The following ATL2 variants were observed in gnomAD, a reference collection of about 807,000 sequenced individuals.
The protein encoded by ATL2 is atlastin GTPase 2, also known as atlastin-2.
Under a neutral mutation model 73.9 loss-of-function variants are expected in ATL2, and 31 were observed. The ratio of observed to expected loss-of-function variants is 0.42; its 90% CI spans 0.32 to 0.57. The LOEUF is 0.57. Ranked by LOEUF, ATL2 falls within the 20% of genes least tolerant of loss-of-function variation. ATL2 has a pLI of 0.14. For synonymous variants in ATL2, 291 were observed against 237.5 expected, an observed-to-expected ratio of 1.23 and a Z score of -2.07; for missense variants, 738 against 702.6, an observed-to-expected ratio of 1.05 and a Z score of -0.57.
chr2:38,343,179 G>T lies in ATL2; in HGVS notation c.363+89C>A, dbSNP rs957695452. 271 of 337,026 alleles carry T rather than the reference G, an allele frequency of 8.0e-4. 3 individuals are homozygous for T. Among genetic ancestry groups the T allele is most frequent in the African/African-American group, 5.4e-3 (196 of 36,290 alleles). 20.9% of individuals were successfully genotyped at this position (337,026 alleles called of 1,614,324 possible). On this transcript the variant is annotated intron_variant, in intron 2 of 12. Coordinates refer to ENST00000378954, the MANE Select transcript of ATL2 (RefSeq NM_001135673.4). ...AAAAAAAAAAAAAAAAAAAAAAAAA[G>T]ATATAGTTCTGGTTTTTGTCTATTT...
chr2:38,327,719 T>C lies in ATL2; in HGVS notation c.364-8700A>G, dbSNP rs577161315. 3.3e-3 allele frequency among the ~76,000 whole-genome samples: 495 copies of C among 152,260 alleles called. 3 individuals carry two copies. Among genetic ancestry groups the C allele is most frequent in the Admixed American group, 5.6e-3 (86 of 15,282 alleles). On this transcript the variant is annotated intron_variant, in intron 2 of 12. Coordinates refer to ENST00000378954, the MANE Select transcript of ATL2 (RefSeq NM_001135673.4). ...GGGAGGCAGAGGTGGGTGGATCACC[T>C]GAGGTCAGGAGTTCGTGATCAGTCT...
At chr2:38,340,084 T>C (rs1400520941) in intron 2 of ATL2, among the ~76,000 whole-genome samples, 2 of 148,320 alleles carry the variant, frequency 1.3e-5, no homozygotes, top group African/African-American at 5.0e-5. Context: ...AAACACATAA[T>C]ACCTATGGTA....
At chr2:38,303,362 T>G (rs576401212) in intron 9 of ATL2, among the ~76,000 whole-genome samples, 8 of 152,156 alleles carry the variant, frequency 5.3e-5, no homozygotes, top group African/African-American at 1.9e-4. Flanking sequence ...TGCGCCATCA[T>G]GCCTGGCTAA....
chr2:38,325,929 A>AAT (rs1668636814), intron 2 of ATL2, among the ~76,000 whole-genome samples: 1 of 149,840 alleles, frequency 6.7e-6, no homozygotes, highest in African/African-American at 2.4e-5. Context: ...AAAAAAAAAA[A>AAT]AAGAGGGTCA....
chr2:38,341,118 C>T (rs974009616), intron 2 of ATL2, among the ~76,000 whole-genome samples: 3 of 152,126 alleles, frequency 2.0e-5, no homozygotes, highest in African/African-American at 7.2e-5. Context: ...AGCTTCCCTC[C>T]CCTTCTAACT....
At chr2:38,334,886 T>G (rs1301104659) in intron 2 of ATL2, among the ~76,000 whole-genome samples, 11 of 30,562 alleles carry the variant, frequency 3.6e-4, no homozygotes, top group African/African-American at 6.9e-4. Context: ...TATTATATAA[T>G]ATATAATATA....
intron 1 of ATL2, among the ~76,000 whole-genome samples, chr2:38,367,611 AAAAAACCGC>A: frequency 6.8e-6 from 1 of 147,438 alleles, no homozygotes; most frequent in Non-Finnish European, 1.5e-5. Context: ...AAAAAAAAAA[AAAAAACCGC>A]CCATTTAAAA....
chr2:38,305,077 C>CA (rs1667377111), intron 9 of ATL2, among the ~76,000 whole-genome samples: 1 of 145,188 alleles, frequency 6.9e-6, no homozygotes, highest in African/African-American at 2.8e-5. Context: ...CAAATGGAAA[C>CA]CAAAAAAAAA....
At chr2:38,328,339 T>C (rs1668785330) in intron 2 of ATL2, among the ~76,000 whole-genome samples, 1 of 152,162 alleles carries the variant, frequency 6.6e-6, no homozygotes. Flanking sequence ...GATCTGACAT[T>C]ATAGTATATT....
chr2:38,334,927 TATTATA>T, intron 2 of ATL2, among the ~76,000 whole-genome samples: 1 of 137,110 alleles, frequency 7.3e-6, no homozygotes, highest in Non-Finnish European at 1.5e-5. Context: ...TATATTTATA[TATTATA>T]ATATATAACA....
chr2:38,342,883 G>A (rs1669804308), intron 2 of ATL2, among the ~76,000 whole-genome samples: 1 of 150,962 alleles, frequency 6.6e-6, no homozygotes, highest in Non-Finnish European at 1.5e-5. Flanking sequence ...TTACTGTATT[G>A]ACCAGGAAGT....
At chr2:38,338,544 A>C (rs1669510181) in intron 2 of ATL2, among the ~76,000 whole-genome samples, 1 of 151,884 alleles carries the variant, frequency 6.6e-6, no homozygotes, top group Non-Finnish European at 1.5e-5. Context: ...TGGAATGAAT[A>C]AATAAATAAA....
At chr2:38,345,833 T>C (rs528997512) in intron 1 of ATL2, among the ~76,000 whole-genome samples, 1 of 152,358 alleles carries the variant, frequency 6.6e-6, no homozygotes, top group Non-Finnish European at 1.5e-5. Flanking sequence ...TTAACTTCTC[T>C]GCACCTGTTT....
At chr2:38,359,338 C>G (rs1345825337) in intron 1 of ATL2, among the ~76,000 whole-genome samples, 2 of 152,012 alleles carry the variant, frequency 1.3e-5, no homozygotes, top group Admixed American at 6.6e-5. Flanking sequence ...GGCGTGGTGC[C>G]ACACGCCTGT....
At chr2:38,374,182 G>A (rs1418946118) in intron 1 of ATL2, among the ~76,000 whole-genome samples, 2 of 152,146 alleles carry the variant, frequency 1.3e-5, no homozygotes, top group African/African-American at 2.4e-5. Context: ...GTGAGCCACC[G>A]CACTCAGCCT....
At chr2:38,308,719 A>G (rs1258611294) in intron 9 of ATL2, among the ~76,000 whole-genome samples, 1 of 152,126 alleles carries the variant, frequency 6.6e-6, no homozygotes, top group Admixed American at 6.5e-5. Flanking sequence ...CATGTACCCC[A>G]TAAGTATATA....
At chr2:38,366,754 T>C (rs1671354295) in intron 1 of ATL2, among the ~76,000 whole-genome samples, 1 of 152,230 alleles carries the variant, frequency 6.6e-6, no homozygotes, top group Admixed American at 6.5e-5. Flanking sequence ...ACATTATTTT[T>C]TGTAGGTATT....
chr2:38,338,527 T>A (rs957628436), intron 2 of ATL2, among the ~76,000 whole-genome samples: 1 of 131,228 alleles, frequency 7.6e-6, no homozygotes, highest in Non-Finnish European at 1.5e-5. Flanking sequence ...CACACTGATA[T>A]AAAGGATGGA....
At chr2:38,302,046 T>C (rs1667217981) in intron 9 of ATL2, among the ~76,000 whole-genome samples, 2 of 152,016 alleles carry the variant, frequency 1.3e-5, no homozygotes, top group African/African-American at 4.8e-5. Flanking sequence ...CCAATTTCAG[T>C]CCCCAGTTCC....
Sources: allele counts gnomAD v4.1 joint callset (sites outside exome capture counted in the v4.1 genomes callset), GRCh38; gene constraint gnomAD v4.1.1; transcripts MANE v1.5; gene names NCBI Gene and HGNC (gene_info 2026-07-23, HGNC 2026-07-21).